The following ANO2 variants were observed in gnomAD, a reference collection of about 807,000 sequenced individuals.
The protein encoded by ANO2 is anoctamin 2.
ANO2 carries 101 observed loss-of-function variants against 124.2 expected under a neutral mutation model. The observed-to-expected ratio is 0.81, with a 90% CI of 0.69 to 0.96. ANO2 has a LOEUF of 0.96. ANO2 is among the 40% of genes least tolerant of loss of function. The probability of loss-of-function intolerance (pLI) is 0.00; values close to 1 mark genes in which losing one functional copy is unlikely to be tolerated. For synonymous variants in ANO2, 486 were observed against 482.5 expected, an observed-to-expected ratio of 1.01 and a Z score of -0.09; for missense variants, 1,293 against 1,274.5, an observed-to-expected ratio of 1.01 and a Z score of -0.22.
chr12:5,901,888 A>T (rs1197665990), intron 3 of ANO2, among the ~76,000 whole-genome samples: 3 of 152,196 alleles, frequency 2.0e-5, no homozygotes, highest in African/African-American at 7.2e-5. Flanking sequence ...ACAATTCCCC[A>T]TGTACATTAG....
At chr12:5,671,533 G>T (rs544348926) in intron 14 of ANO2, among the ~76,000 whole-genome samples, 1 of 152,186 alleles carries the variant, frequency 6.6e-6, no homozygotes, top group South Asian at 2.1e-4. Context: ...GTGAGTGTGT[G>T]TGTGTGCATC....
intron 19 of ANO2, among the ~76,000 whole-genome samples, chr12:5,612,234 C>T (rs1417001789): frequency 6.6e-6 from 1 of 152,186 alleles, no homozygotes; most frequent in Non-Finnish European, 1.5e-5. Context: ...TCCACCCTCC[C>T]CTCCTAAGAT....
chr12:5,732,482 A>C, intron 14 of ANO2, 38 bp downstream of exon 14: 3 of 1,553,374 alleles, frequency 1.9e-6, no homozygotes, highest in Non-Finnish European at 2.6e-6. Flanking sequence ...GATCTCAACA[A>C]GTAAAGAGGA....
intron 14 of ANO2, among the ~76,000 whole-genome samples, chr12:5,664,123 C>T (rs191490693): frequency 2.1e-4 from 32 of 152,360 alleles, no homozygotes; most frequent in African/African-American, 6.0e-4. Flanking sequence ...CACATATGTG[C>T]GCACGCATGC....
intron 14 of ANO2, among the ~76,000 whole-genome samples, chr12:5,720,590 C>T (rs1037831625): frequency 6.6e-6 from 1 of 152,248 alleles, no homozygotes; most frequent in Non-Finnish European, 1.5e-5. Flanking sequence ...CTGGCCTCTC[C>T]TAGCAACTAC....
At chr12:5,732,877 C>T in intron 13 of ANO2, 1 of 1,613,944 alleles carries the variant, frequency 6.2e-7, no homozygotes, top group Non-Finnish European at 8.5e-7. Flanking sequence ...TGGGCACGTT[C>T]CTGGGGATAG....
intron 1 of ANO2, among the ~76,000 whole-genome samples, chr12:5,928,675 T>C (rs1231046653): frequency 7.2e-5 from 9 of 125,774 alleles, no homozygotes; most frequent in African/African-American, 1.7e-4. Flanking sequence ...GTCTATCTTC[T>C]TTCCTTACTC....
chr12:5,629,886 G>A (rs577763586), intron 16 of ANO2, among the ~76,000 whole-genome samples: 1 of 152,310 alleles, frequency 6.6e-6, no homozygotes, highest in East Asian at 1.9e-4. Flanking sequence ...CCAGTGCTGC[G>A]TTGCCTCCAG....
intron 1 of ANO2, among the ~76,000 whole-genome samples, chr12:5,923,173 C>CAT (rs397976758): frequency 1.2e-4 from 4 of 33,036 alleles, no homozygotes; most frequent in Admixed American, 8.4e-4. Flanking sequence ...TACACACACA[C>CAT]GCACACACAC....
chr12:5,797,787 T>C (rs1311915554), intron 10 of ANO2, among the ~76,000 whole-genome samples: 1 of 152,152 alleles, frequency 6.6e-6, no homozygotes, highest in Non-Finnish European at 1.5e-5. Flanking sequence ...TTCCAGGCCA[T>C]CTGATCTGTG....
intron 14 of ANO2, among the ~76,000 whole-genome samples, chr12:5,705,419 G>A (rs1371198768): frequency 6.6e-6 from 1 of 152,214 alleles, no homozygotes; most frequent in Non-Finnish European, 1.5e-5. Flanking sequence ...TGGGCTCTCA[G>A]GCCAAGAATC....
At chr12:5,768,761 A>G (rs1006285061) in intron 10 of ANO2, among the ~76,000 whole-genome samples, 9 of 151,998 alleles carry the variant, frequency 5.9e-5, no homozygotes, top group Non-Finnish European at 1.2e-4. Flanking sequence ...CTCTGCCAAA[A>G]CCAACAGCAG....
intron 11 of ANO2, among the ~76,000 whole-genome samples, chr12:5,749,078 C>T (rs1290952268): frequency 6.6e-6 from 1 of 152,180 alleles, no homozygotes; most frequent in African/African-American, 2.4e-5. Flanking sequence ...ACATCATCTC[C>T]AGGTGATCTG....
chr12:5,651,717 C>T (rs1946923638), intron 14 of ANO2, among the ~76,000 whole-genome samples: 1 of 152,210 alleles, frequency 6.6e-6, no homozygotes, highest in Admixed American at 6.5e-5. Context: ...ACCATCACTT[C>T]CCATTATTCT....
intron 7 of ANO2, among the ~76,000 whole-genome samples, chr12:5,812,603 A>AAAGG (rs375552981): frequency 1.2e-3 from 42 of 35,644 alleles, no homozygotes; most frequent in Admixed American, 1.6e-3. Flanking sequence ...GGAAGAAGAA[A>AAAGG]AAGGAAGGAA....
At chr12:5,697,060 C>G (rs1275600217) in intron 14 of ANO2, among the ~76,000 whole-genome samples, 2 of 152,106 alleles carry the variant, frequency 1.3e-5, no homozygotes, top group Admixed American at 1.3e-4. Context: ...ATAAAGATAC[C>G]TAGCACCTAC....
chr12:5,652,956 G>A (rs903893997), intron 14 of ANO2, among the ~76,000 whole-genome samples: 1 of 152,194 alleles, frequency 6.6e-6, no homozygotes, highest in Non-Finnish European at 1.5e-5. Flanking sequence ...TGAAGGGGCA[G>A]TATCTACAGA....
chr12:5,602,699 G>GC (rs1944001446), intron 19 of ANO2, among the ~76,000 whole-genome samples: 1 of 152,096 alleles, frequency 6.6e-6, no homozygotes, highest in African/African-American at 2.4e-5. Flanking sequence ...TGAAAAAAAA[G>GC]CCTCCAGCAA....
At chr12:5,837,094 T>C (rs767989714) in intron 4 of ANO2, among the ~76,000 whole-genome samples, 5 of 152,096 alleles carry the variant, frequency 3.3e-5, no homozygotes, top group Non-Finnish European at 5.9e-5. Context: ...TGGTCTGGTT[T>C]TGGTAGAAAT....
Sources: allele counts gnomAD v4.1 joint callset (sites outside exome capture counted in the v4.1 genomes callset), GRCh38; gene constraint gnomAD v4.1.1; transcripts MANE v1.5; gene names NCBI Gene and HGNC (gene_info 2026-07-23, HGNC 2026-07-21).